Variants in MID1 observed in about 807,000 individuals in gnomAD.
MID1 encodes E3 ubiquitin-protein ligase Midline-1.
A neutral mutation model predicts 40.4 loss-of-function variants in MID1; 7 were observed. The observed-to-expected ratio is 0.17, with a 90% CI of 0.10 to 0.33. MID1 has a LOEUF of 0.33. Ranked by LOEUF, MID1 falls within the 10% of genes least tolerant of loss-of-function variation. The pLI, the probability that MID1 is intolerant of heterozygous loss-of-function variation, is 1.00. For synonymous variants in MID1, 229 were observed against 221.2 expected, an observed-to-expected ratio of 1.04 and a Z score of -0.31; for missense variants, 367 against 558.5, an observed-to-expected ratio of 0.66 and a Z score of 3.46.
chrX:10,821,932 G>T (rs772092282), intron 1 of MID1, among the ~76,000 whole-genome samples: 11 of 111,048 alleles, frequency 9.9e-5, no homozygotes, highest in African/African-American at 3.6e-4. Context: ...AGATGGGCTT[G>T]GCTGGAGAAA....
intron 1 of MID1, among the ~76,000 whole-genome samples, chrX:10,760,574 C>A (rs1330111161): frequency 9.0e-6 from 1 of 111,641 alleles, no homozygotes; most frequent in Non-Finnish European, 1.9e-5. Flanking sequence ...TGGCTCTTGC[C>A]TGTAATCCTA....
At chrX:10,703,159 T>C (rs1569150557) in intron 1 of MID1, among the ~76,000 whole-genome samples, 2 of 112,100 alleles carry the variant, frequency 1.8e-5, no homozygotes, top group Admixed American at 9.5e-5. Context: ...GTCACTACAT[T>C]ACGGTTTCAG....
chrX:10,490,900 G>A (rs147356777), intron 4 of MID1, among the ~76,000 whole-genome samples: 7,069 of 111,559 alleles, frequency 0.063, 450 homozygotes, highest in African/African-American at 0.19. Context: ...CAGGTTTTCC[G>A]CTACTTCTTT....
intron 1 of MID1, among the ~76,000 whole-genome samples, chrX:10,745,644 T>C (rs2043552418): frequency 8.9e-6 from 1 of 112,718 alleles, no homozygotes; most frequent in Non-Finnish European, 1.9e-5. Flanking sequence ...ACTTGTAAGT[T>C]AAAGGCAGAG....
chrX:10,606,352 A>G (rs1271734381), intron 1 of MID1, among the ~76,000 whole-genome samples: 1 of 111,470 alleles, frequency 9.0e-6, no homozygotes, highest in Non-Finnish European at 1.9e-5. Flanking sequence ...GGGTAAATTT[A>G]TAAAGTTAAA....
At chrX:10,696,135 A>G (rs2043162281) in intron 1 of MID1, among the ~76,000 whole-genome samples, 1 of 111,678 alleles carries the variant, frequency 9.0e-6, no homozygotes, top group South Asian at 3.8e-4. Context: ...ATAAGATCTC[A>G]GGAGTTGGGC....
chrX:10,523,902 ATAAGT>A (rs971570446), intron 2 of MID1, among the ~76,000 whole-genome samples: 7 of 112,302 alleles, frequency 6.2e-5, no homozygotes, highest in East Asian at 2.8e-4. Flanking sequence ...AATAAGTAAT[ATAAGT>A]TATCTAGAGA....
At chrX:10,825,089 T>C (rs2044205922) in intron 1 of MID1, among the ~76,000 whole-genome samples, 1 of 112,184 alleles carries the variant, frequency 8.9e-6, no homozygotes. Flanking sequence ...AATGTGGTTT[T>C]ATTAATACAT....
intron 7 of MID1, among the ~76,000 whole-genome samples, chrX:10,462,506 T>C (rs999853082): frequency 1.8e-5 from 2 of 112,143 alleles, no homozygotes; most frequent in Non-Finnish European, 3.8e-5. Context: ...CCATCCTGAT[T>C]GAAACTTCAC....
At chrX:10,787,687 A>C (rs951101122) in intron 1 of MID1, among the ~76,000 whole-genome samples, 1 of 103,412 alleles carries the variant, frequency 9.7e-6, no homozygotes, top group Non-Finnish European at 2.0e-5. Flanking sequence ...CTGGGATTAC[A>C]GGTCTGAGCC....
At chrX:10,509,922 T>C (rs1043793855) in intron 3 of MID1, among the ~76,000 whole-genome samples, 1 of 111,960 alleles carries the variant, frequency 8.9e-6, no homozygotes, top group East Asian at 2.8e-4. Context: ...TCCAACCAAC[T>C]AGGAGAAGGA....
At chrX:10,648,464 G>A (rs1602495129) in intron 1 of MID1, among the ~76,000 whole-genome samples, 1 of 112,118 alleles carries the variant, frequency 8.9e-6, no homozygotes. Context: ...AAACAATATT[G>A]TGAGAAAGCA....
chrX:10,671,274 A>G (rs192138857), intron 1 of MID1, among the ~76,000 whole-genome samples: 1 of 112,150 alleles, frequency 8.9e-6, no homozygotes, highest in Non-Finnish European at 1.9e-5. Flanking sequence ...AAAACCATGG[A>G]TTCTGGAACC....
rs774448757 is a variant in MID1, at chrX:10,698,063, A to G, written c.-186-77644T>C. 3.6e-5 allele frequency among the ~76,000 whole-genome samples: 4 copies of G among 112,631 alleles called. No individual in the cohort carries two copies. In the East Asian group the frequency reaches 1.1e-3, roughly 31 times the overall value. On this transcript the variant is annotated intron_variant, in intron 1 of 10. Transcript: ENST00000380785. Reference sequence around the variant, plus strand: ...CAATTATTTCTTATTCCTCAGTGCTATGATGCATATCTTTAATTGCGTGTT... The same window carrying G: ...CAATTATTTCTTATTCCTCAGTGCTGTGATGCATATCTTTAATTGCGTGTT...
rs765318020 is a variant in MID1, at chrX:10,777,433, G to A, written c.-187+56121C>T. ...AGGATGGTCTCGATCTCCTGACCTC[G>A]TGATTCGCCCGCCTCGGCCTCCCAA... On this transcript the variant is annotated intron_variant, in intron 1 of 10. Coordinates refer to the MID1 transcript ENST00000380785. 8.2e-5 allele frequency among the ~76,000 whole-genome samples: 9 copies of A among 110,197 alleles called. No homozygotes were observed. The East Asian group carries it at 2.0e-3, about 25-fold the overall frequency.
intron 1 of MID1, among the ~76,000 whole-genome samples, chrX:10,826,198 T>C (rs1279552350): frequency 2.7e-5 from 3 of 111,108 alleles, no homozygotes; most frequent in African/African-American, 9.8e-5. Context: ...TGAGAGTCTG[T>C]TTTTACACCT....
intron 1 of MID1, among the ~76,000 whole-genome samples, chrX:10,686,287 G>A (rs1287779081): frequency 9.0e-6 from 1 of 110,843 alleles, no homozygotes; most frequent in Admixed American, 9.6e-5. Context: ...TAAGGGGTTC[G>A]GGGTCAATGG....
chrX:10,487,871 T>C (rs1435153234), intron 4 of MID1, among the ~76,000 whole-genome samples: 1 of 111,894 alleles, frequency 8.9e-6, no homozygotes, highest in Non-Finnish European at 1.9e-5. Flanking sequence ...GAGTATTTCA[T>C]TGTGTGATTA....
At chrX:10,613,153 G>A (rs915351262) in intron 1 of MID1, among the ~76,000 whole-genome samples, 5 of 111,012 alleles carry the variant, frequency 4.5e-5, no homozygotes, top group African/African-American at 1.6e-4. Flanking sequence ...GAATTGTTTG[G>A]GGAAGACCAC....
Sources: allele counts gnomAD v4.1 joint callset (sites outside exome capture counted in the v4.1 genomes callset), GRCh38; gene constraint gnomAD v4.1.1; transcripts MANE v1.5; gene names NCBI Gene and HGNC (gene_info 2026-07-23, HGNC 2026-07-21).